TENM3: variants seen among roughly 807,000 people sequenced by gnomAD.
The protein encoded by TENM3 is teneurin-3.
A neutral mutation model predicts 255.1 loss-of-function variants in TENM3; 63 were observed. That is an observed-to-expected ratio of 0.25 (90% CI 0.20 to 0.30). The LOEUF is 0.30. Among genes scored for constraint, TENM3 ranks in the 10% least tolerant of loss-of-function variants. The pLI, the probability that TENM3 is intolerant of heterozygous loss-of-function variation, is 1.00. For missense variants in TENM3, 2,929 were observed against 3,461.1 expected (o/e 0.85, Z 3.86); for synonymous variants, 1,306 against 1,322.3 (o/e 0.99, Z 0.27).
chr4:182,101,264 A>G, the TENM3 span, among the ~76,000 whole-genome samples: 341 of 6,062 alleles, frequency 0.056, 106 homozygotes, highest in African/African-American at 0.13. Flanking sequence ...GGAAGGAAAG[A>G]AGGAAGGAAG....
chr4:181,624,269 G>A, the TENM3 span, among the ~76,000 whole-genome samples: 1 of 152,172 alleles, frequency 6.6e-6, no homozygotes. Flanking sequence ...GCTGTCCCCA[G>A]CATCGCCACT....
chr4:182,375,122 C>T (rs1014576695), intron 3 of TENM3, among the ~76,000 whole-genome samples: 3 of 152,138 alleles, frequency 2.0e-5, no homozygotes, highest in African/African-American at 4.8e-5. Context: ...ATCCTAATAA[C>T]AAAGGGCAGT....
chr4:182,711,557 C>A, intron 12 of TENM3: 1 of 980,556 alleles, frequency 1.0e-6, no homozygotes, highest in Non-Finnish European at 1.2e-6. Flanking sequence ...GTTCTTTTTT[C>A]CTTTTTAATT....
the TENM3 span, among the ~76,000 whole-genome samples, chr4:181,862,662 A>G: frequency 3.3e-5 from 5 of 152,142 alleles, no homozygotes; most frequent in Non-Finnish European, 1.5e-5. Flanking sequence ...TTTTCTCAAT[A>G]AAAAATGGAA....
the TENM3 span, among the ~76,000 whole-genome samples, chr4:181,672,618 T>C: frequency 2.6e-5 from 4 of 152,188 alleles, no homozygotes; most frequent in Non-Finnish European, 4.4e-5. Context: ...AAGGGGAGAC[T>C]GTTCTAGCTG....
the TENM3 span, among the ~76,000 whole-genome samples, chr4:181,815,212 G>C: frequency 6.6e-6 from 1 of 151,902 alleles, no homozygotes; most frequent in Non-Finnish European, 1.5e-5. Context: ...AGCACTTTGG[G>C]AGGCCAAGGG....
intron 11 of TENM3, among the ~76,000 whole-genome samples, chr4:182,687,338 A>G (rs892334691): frequency 5.3e-5 from 8 of 152,188 alleles, no homozygotes; most frequent in Non-Finnish European, 1.0e-4. Flanking sequence ...CTGTCTCTCA[A>G]TTGGAACTAG....
the TENM3 span, among the ~76,000 whole-genome samples, chr4:182,066,635 G>T: frequency 1.3e-5 from 2 of 150,380 alleles, no homozygotes; most frequent in East Asian, 3.9e-4. Context: ...CTTGGGCCAG[G>T]CGCGGTGGCT....
the TENM3 span, among the ~76,000 whole-genome samples, chr4:181,953,670 ACT>A: frequency 1.3e-5 from 2 of 151,848 alleles, no homozygotes; most frequent in Admixed American, 6.6e-5. Flanking sequence ...ACAGAGTGAG[ACT>A]CTGTCTCAAA....
chr4:182,456,507 A>G (rs1773886583), intron 3 of TENM3, among the ~76,000 whole-genome samples: 1 of 152,202 alleles, frequency 6.6e-6, no homozygotes, highest in African/African-American at 2.4e-5. Flanking sequence ...AATTTCCACA[A>G]TGAAAAGAAG....
At chr4:182,500,271 C>G (rs1736187206) in intron 3 of TENM3, among the ~76,000 whole-genome samples, 1 of 151,984 alleles carries the variant, frequency 6.6e-6, no homozygotes, top group Non-Finnish European at 1.5e-5. Flanking sequence ...TAAATGAGTT[C>G]ATGGTAAGTA....
At chr4:182,057,260 C>G in the TENM3 span, among the ~76,000 whole-genome samples, 1 of 150,208 alleles carries the variant, frequency 6.7e-6, no homozygotes, top group Non-Finnish European at 1.5e-5. Flanking sequence ...CCGGAGGAAT[C>G]AGACATTTTA....
At chr4:182,496,087 G>T (rs1735747044) in intron 3 of TENM3, among the ~76,000 whole-genome samples, 1 of 152,114 alleles carries the variant, frequency 6.6e-6, no homozygotes, top group East Asian at 1.9e-4. Flanking sequence ...AATTTATTCA[G>T]CATTTTCTTA....
chr4:181,470,014 G>T, the TENM3 span, among the ~76,000 whole-genome samples: 1 of 148,738 alleles, frequency 6.7e-6, no homozygotes, highest in Admixed American at 6.8e-5. Context: ...ATGCGGTAAT[G>T]AAACATTTTC....
chr4:181,683,530 T>C, the TENM3 span, among the ~76,000 whole-genome samples: 5 of 152,220 alleles, frequency 3.3e-5, no homozygotes, highest in African/African-American at 1.2e-4. Flanking sequence ...CAAGAATTTG[T>C]GCTTCTATAA....
At chr4:181,861,149 T>A in the TENM3 span, among the ~76,000 whole-genome samples, 1 of 152,180 alleles carries the variant, frequency 6.6e-6, no homozygotes, top group African/African-American at 2.4e-5. Flanking sequence ...ACAAGAACAC[T>A]GTAAACTGTA....
chr4:182,617,353 A>G (rs1169401699), intron 4 of TENM3, among the ~76,000 whole-genome samples: 1 of 152,186 alleles, frequency 6.6e-6, no homozygotes, highest in Non-Finnish European at 1.5e-5. Context: ...CAAACCGTCC[A>G]TTGTCTTGAT....
At chr4:182,542,661 C>T (rs962887195) in intron 3 of TENM3, among the ~76,000 whole-genome samples, 5 of 152,148 alleles carry the variant, frequency 3.3e-5, no homozygotes, top group African/African-American at 1.2e-4. Context: ...TTCACCCCAG[C>T]GTTCCGTGTA....
At chr4:182,421,876 C>G (rs1307602935) in intron 3 of TENM3, among the ~76,000 whole-genome samples, 2 of 152,190 alleles carry the variant, frequency 1.3e-5, no homozygotes, top group African/African-American at 4.8e-5. Context: ...CCCTTTAGAT[C>G]TACCAGGTTC....
Sources: allele counts gnomAD v4.1 joint callset (sites outside exome capture counted in the v4.1 genomes callset), GRCh38; gene constraint gnomAD v4.1.1; transcripts MANE v1.5; gene names NCBI Gene and HGNC (gene_info 2026-07-23, HGNC 2026-07-21).